Variants in GOLM2 observed in about 807,000 individuals in gnomAD.
The protein encoded by GOLM2 is golgi membrane protein 2, also known as protein GOLM2.
GOLM2 carries 26 observed loss-of-function variants against 55.9 expected under a neutral mutation model. The observed-to-expected ratio is 0.47, with a 90% CI of 0.34 to 0.65. The LOEUF (loss-of-function observed/expected upper bound fraction) is 0.65, where lower values mean the gene tolerates loss of function less well. Ranked by LOEUF, GOLM2 falls within the 30% of genes least tolerant of loss-of-function variation. GOLM2 has a pLI of 0.01. For synonymous variants in GOLM2, 165 were observed against 194.6 expected, an observed-to-expected ratio of 0.85 and a Z score of 1.27; for missense variants, 486 against 531.8, an observed-to-expected ratio of 0.91 and a Z score of 0.85.
At chr15:44,384,425 A>G (rs767570314) in intron 8 of GOLM2, among the ~76,000 whole-genome samples, 4 of 152,146 alleles carry the variant, frequency 2.6e-5, no homozygotes, top group African/African-American at 7.2e-5. Flanking sequence ...ATCCTGGCCA[A>G]CATGGTGAAA....
rs2079000240 is a variant in GOLM2 at position 44,328,610 on chromosome 15, C to T, written c.383-75C>T. The T allele has an allele frequency of 3.4e-6, 3 of 889,810 alleles. No individual in the cohort carries two copies. In the East Asian group the frequency reaches 8.1e-5, roughly 24 times the overall value. 55.1% of individuals were successfully genotyped at this position (889,810 alleles called of 1,614,324 possible). On this transcript the variant is annotated intron_variant, in intron 2 of 9. Transcript: ENST00000299957. ...TGAGAATTATGTATAATTAAAAAAACATCCCATAGCTTCTGAATAGGAAGC... is the reference window on the plus strand; with the variant it reads ...TGAGAATTATGTATAATTAAAAAAATATCCCATAGCTTCTGAATAGGAAGC...
intron 1 of GOLM2, among the ~76,000 whole-genome samples, chr15:44,301,810 G>A (rs369746553): frequency 2.0e-5 from 3 of 152,054 alleles, no homozygotes; most frequent in Admixed American, 6.6e-5. Context: ...TACTCGGGAG[G>A]TTGAGGCAGG....
chr15:44,410,446 AT>A (rs1293768639), intron 9 of GOLM2, among the ~76,000 whole-genome samples: 15 of 152,052 alleles, frequency 9.9e-5, no homozygotes, highest in Admixed American at 9.8e-4. Flanking sequence ...TATATACATA[AT>A]TTTTTTTAAG....
At chr15:44,310,521 C>CACACAT (rs2078868687) in intron 1 of GOLM2, among the ~76,000 whole-genome samples, 1 of 149,828 alleles carries the variant, frequency 6.7e-6, no homozygotes, top group Non-Finnish European at 1.5e-5. Flanking sequence ...CACACACACA[C>CACACAT]ACACATACAT....
At chr15:44,378,820 A>G (rs370808568) in intron 6 of GOLM2, among the ~76,000 whole-genome samples, 2 of 151,384 alleles carry the variant, frequency 1.3e-5, no homozygotes, top group African/African-American at 2.4e-5. Flanking sequence ...ATCTCAGCTC[A>G]CTGCAACTTC....
At chr15:44,332,331 C>T (rs995767554) in intron 4 of GOLM2, among the ~76,000 whole-genome samples, 10 of 152,112 alleles carry the variant, frequency 6.6e-5, no homozygotes, top group African/African-American at 9.6e-5. Flanking sequence ...CTGAGGCGGG[C>T]GGCTCACTCG....
rs373405930 is a variant in GOLM2, at chr15:44,364,074, G to A, written c.803-15616G>A. ...GGGGGGAGCGGGGAGGGATAGCATT[G>A]GGAGATATACCTAATGCTAGTTGAC... On this transcript the variant is annotated intron_variant, in intron 6 of 9. Transcript: ENST00000299957. Among the ~76,000 whole-genome samples, 53 of 152,148 alleles carry A rather than the reference G, an allele frequency of 3.5e-4. 1 individual carries two copies. In the East Asian group the frequency reaches 7.2e-3, roughly 21 times the overall value.
chr15:44,300,545 GA>G (rs1166960037), intron 1 of GOLM2, among the ~76,000 whole-genome samples: 1 of 152,100 alleles, frequency 6.6e-6, no homozygotes, highest in Admixed American at 6.5e-5. Context: ...TAGTTGTGCA[GA>G]AAAAAGGTAA....
chr15:44,349,259 CAAAA>C (rs144376603), intron 6 of GOLM2, among the ~76,000 whole-genome samples: 1 of 63,450 alleles, frequency 1.6e-5, no homozygotes, highest in Non-Finnish European at 3.4e-5. Flanking sequence ...AACTCCGTCT[CAAAA>C]AAAAAAAAAA....
intron 4 of GOLM2, among the ~76,000 whole-genome samples, chr15:44,336,264 C>T (rs1422479456): frequency 6.6e-6 from 1 of 152,096 alleles, no homozygotes; most frequent in Non-Finnish European, 1.5e-5. Flanking sequence ...CTACAGGCAC[C>T]CGCCACCACA....
intron 6 of GOLM2, among the ~76,000 whole-genome samples, chr15:44,347,924 T>C (rs1595639803): frequency 6.6e-6 from 1 of 152,224 alleles, no homozygotes; most frequent in Admixed American, 6.5e-5. Flanking sequence ...TTCCAGGCCC[T>C]AGATGCCTAT....
At chr15:44,334,258 T>G (rs2079041957) in intron 4 of GOLM2, among the ~76,000 whole-genome samples, 1 of 152,226 alleles carries the variant, frequency 6.6e-6, no homozygotes, top group African/African-American at 2.4e-5. Context: ...ATCAGCTACC[T>G]AATTCTACTC....
chr15:44,409,252 C>A (rs2079618619), intron 9 of GOLM2, among the ~76,000 whole-genome samples: 1 of 146,260 alleles, frequency 6.8e-6, no homozygotes, highest in Non-Finnish European at 1.5e-5. Context: ...CCACTGCACT[C>A]CAGCTTGAGC....
chr15:44,375,543 A>G (rs969737970), intron 6 of GOLM2, among the ~76,000 whole-genome samples: 11 of 151,386 alleles, frequency 7.3e-5, no homozygotes, highest in Admixed American at 2.0e-4. Flanking sequence ...TTGGGAGGCC[A>G]GGACAGGAAG....
chr15:44,400,556 A>G (rs997390521), intron 8 of GOLM2, among the ~76,000 whole-genome samples: 1 of 136,986 alleles, frequency 7.3e-6, no homozygotes, highest in Admixed American at 7.7e-5. Context: ...ACCTCAGGCC[A>G]TCTGCCCGCC....
At chr15:44,337,101 A>G (rs1022995007) in intron 4 of GOLM2, among the ~76,000 whole-genome samples, 11 of 152,252 alleles carry the variant, frequency 7.2e-5, no homozygotes, top group African/African-American at 2.2e-4. Flanking sequence ...AAGCTTGTGT[A>G]CTTGAATCCT....
At chr15:44,344,408 G>A (rs932402621) in intron 6 of GOLM2, among the ~76,000 whole-genome samples, 19 of 151,794 alleles carry the variant, frequency 1.3e-4, no homozygotes, top group African/African-American at 4.3e-4. Context: ...CCCTTACTGG[G>A]TTTTGTTTGT....
chr15:44,310,195 T>C (rs1288182699), intron 1 of GOLM2, among the ~76,000 whole-genome samples: 2 of 152,072 alleles, frequency 1.3e-5, no homozygotes, highest in African/African-American at 4.8e-5. Flanking sequence ...GAGCCCCTTC[T>C]TTTAAGCACT....
chr15:44,369,723 C>CACACACAT lies in GOLM2; in HGVS notation c.803-9966_803-9965insCACACATA, dbSNP rs1555425016. On this transcript the variant is annotated intron_variant, in intron 6 of 9. Transcript: ENST00000299957. ...ACACACACACACACACACACACACACATATATATATAAAGGGGAGTTTATT... is the reference window on the plus strand; with the variant it reads ...ACACACACACACACACACACACACACACACACATATATATATATAAAGGGGAGTTTATT... Among the ~76,000 whole-genome samples the CACACACAT allele has an allele frequency of 2.9e-3, 408 of 140,636 alleles. 14 individuals carry two copies. In the East Asian group the frequency reaches 0.065, roughly 22 times the overall value. 92.3% of individuals were successfully genotyped at this position (140,636 alleles called of 152,430 possible). A position where few individuals can be genotyped will look rare whatever the true frequency, so the allele number is the denominator to read the frequency against.
Sources: gnomAD v4.1 joint callset for allele counts (sites outside exome capture counted in the v4.1 genomes callset) on GRCh38, gnomAD v4.1.1 for gene constraint, MANE v1.5 for transcripts, NCBI Gene and HGNC (gene_info 2026-07-23, HGNC 2026-07-21) for gene names.